The following NXPE2 variants were observed in gnomAD, a reference collection of about 807,000 sequenced individuals.
NXPE2 encodes the protein neurexophilin and PC-esterase domain family member 2.
In NXPE2, 34 loss-of-function variants were observed where a neutral mutation model predicts 34.4. That is an observed-to-expected ratio of 0.99 (90% CI 0.75 to 1.31). NXPE2 has a LOEUF of 1.31. Among genes scored for constraint, NXPE2 ranks in the 40% most tolerant of loss-of-function variants. NXPE2 has a pLI of 0.00. For synonymous variants in NXPE2, 235 were observed against 231.3 expected, an observed-to-expected ratio of 1.02 and a Z score of -0.15; for missense variants, 649 against 672.5, an observed-to-expected ratio of 0.97 and a Z score of 0.39.
the NXPE2 span, among the ~76,000 whole-genome samples, chr11:114,575,139 G>A: frequency 6.6e-6 from 1 of 151,974 alleles, no homozygotes; most frequent in Admixed American, 6.6e-5. Flanking sequence ...AGAAAATCCA[G>A]CATCCATTAG....
At chr11:114,776,316 G>T in the NXPE2 span, among the ~76,000 whole-genome samples, 1 of 152,232 alleles carries the variant, frequency 6.6e-6, no homozygotes, top group African/African-American at 2.4e-5. Context: ...CATCTTGTCC[G>T]TTTTGTCCAC....
the NXPE2 span, among the ~76,000 whole-genome samples, chr11:114,521,214 T>G: frequency 3.3e-5 from 5 of 152,244 alleles, no homozygotes; most frequent in African/African-American, 1.2e-4. Context: ...GTTGCCAATT[T>G]TCAAAATAAG....
the NXPE2 span, chr11:114,594,875 G>T: frequency 6.4e-6 from 4 of 623,466 alleles, no homozygotes; most frequent in Non-Finnish European, 1.1e-5. Flanking sequence ...TTACTTTTTA[G>T]CCTCAGATAA....
the NXPE2 span, among the ~76,000 whole-genome samples, chr11:114,600,536 A>C: frequency 2.6e-5 from 4 of 152,096 alleles, no homozygotes; most frequent in Non-Finnish European, 4.4e-5. Flanking sequence ...TTTGCATAGA[A>C]AAAAATTGAG....
the NXPE2 span, among the ~76,000 whole-genome samples, chr11:114,514,955 A>G: frequency 6.6e-6 from 1 of 152,240 alleles, no homozygotes; most frequent in Admixed American, 6.5e-5. Context: ...TTTTAAAATG[A>G]GGCTAAAAAT....
At chr11:114,651,771 G>T in the NXPE2 span, among the ~76,000 whole-genome samples, 1 of 152,122 alleles carries the variant, frequency 6.6e-6, no homozygotes, top group African/African-American at 2.4e-5. Flanking sequence ...GTGCTGATTG[G>T]TGTGTTTACA....
the NXPE2 span, among the ~76,000 whole-genome samples, chr11:114,766,152 C>G: frequency 6.6e-6 from 1 of 152,252 alleles, no homozygotes; most frequent in East Asian, 1.9e-4. Flanking sequence ...TTCCAAGGCT[C>G]TATGATTTTC....
At chr11:114,783,759 T>C in the NXPE2 span, among the ~76,000 whole-genome samples, 1 of 152,348 alleles carries the variant, frequency 6.6e-6, no homozygotes, top group African/African-American at 2.4e-5. Flanking sequence ...AGGGTCTTTC[T>C]CAAATTCATC....
the NXPE2 span, among the ~76,000 whole-genome samples, chr11:114,651,486 T>C: frequency 6.6e-6 from 1 of 152,314 alleles, no homozygotes; most frequent in African/African-American, 2.4e-5. Context: ...GCAAGATTTA[T>C]TGCAAAGAGC....
the NXPE2 span, among the ~76,000 whole-genome samples, chr11:114,802,285 A>G: frequency 6.6e-6 from 1 of 152,136 alleles, no homozygotes; most frequent in Non-Finnish European, 1.5e-5. Context: ...TCTCCCCGTC[A>G]ATCTTTCAAC....
the NXPE2 span, among the ~76,000 whole-genome samples, chr11:114,477,210 G>GGGGCAAAAC: frequency 2.0e-5 from 3 of 152,118 alleles, no homozygotes; most frequent in African/African-American, 7.2e-5. Flanking sequence ...TCAAGGACTT[G>GGGGCAAAAC]GAGCAAAACG....
the NXPE2 span, among the ~76,000 whole-genome samples, chr11:114,537,193 C>T: frequency 9.8e-5 from 15 of 152,302 alleles, no homozygotes; most frequent in Non-Finnish European, 2.1e-4. Context: ...ATGATTATCT[C>T]AATAGATGCA....
the NXPE2 span, chr11:114,582,818 G>A: frequency 1.2e-6 from 2 of 1,614,042 alleles, no homozygotes; most frequent in East Asian, 2.2e-5. Flanking sequence ...TGGTGGCTGT[G>A]CTATGTGTGG....
At chr11:114,483,413 A>C in the NXPE2 span, among the ~76,000 whole-genome samples, 5 of 152,196 alleles carry the variant, frequency 3.3e-5, no homozygotes, top group Non-Finnish European at 7.3e-5. Flanking sequence ...AAATTTACGT[A>C]AGTTTTCTAA....
chr11:114,607,668 A>C, the NXPE2 span, among the ~76,000 whole-genome samples: 15 of 151,588 alleles, frequency 9.9e-5, 1 homozygote, highest in South Asian at 2.5e-3. Flanking sequence ...ACAGTGGATA[A>C]TAAGTGTTGA....
the NXPE2 span, among the ~76,000 whole-genome samples, chr11:114,604,179 C>A: frequency 6.6e-6 from 1 of 152,076 alleles, no homozygotes; most frequent in Non-Finnish European, 1.5e-5. Context: ...CAGTTAACTA[C>A]TGTTACCTGG....
chr11:114,734,132 T>C, the NXPE2 span, among the ~76,000 whole-genome samples: 1 of 152,216 alleles, frequency 6.6e-6, no homozygotes, highest in Non-Finnish European at 1.5e-5. Flanking sequence ...TAAAAAATCC[T>C]CTGGGCTTCA....
the NXPE2 span, chr11:114,522,082 G>A: frequency 6.2e-6 from 10 of 1,613,826 alleles, no homozygotes; most frequent in East Asian, 8.9e-5. Context: ...TGATGCCCAC[G>A]TTGAGGTCTT....
chr11:114,512,630 A>G, the NXPE2 span: 1 of 153,234 alleles, frequency 6.5e-6, no homozygotes, highest in Non-Finnish European at 1.5e-5. Flanking sequence ...GCTGTGACCC[A>G]ATATGTATTT....
Sources: allele counts gnomAD v4.1 joint callset (sites outside exome capture counted in the v4.1 genomes callset), GRCh38; gene constraint gnomAD v4.1.1; transcripts MANE v1.5; gene names NCBI Gene and HGNC (gene_info 2026-07-23, HGNC 2026-07-21).